The following NOB1 variants were observed in gnomAD, a reference collection of about 807,000 sequenced individuals.
The protein encoded by NOB1 is NIN1 (RPN12) binding protein 1 homolog.
NOB1 carries 44 observed loss-of-function variants against 44.8 expected under a neutral mutation model. That is an observed-to-expected ratio of 0.98 (90% CI 0.77 to 1.26). The LOEUF (loss-of-function observed/expected upper bound fraction) is 1.26. NOB1 is among the 50% of genes most tolerant of loss of function. The probability of loss-of-function intolerance (pLI) is 0.00; values close to 1 mark genes in which losing one functional copy is unlikely to be tolerated. For synonymous variants in NOB1, 238 were observed against 218.7 expected (o/e 1.09, Z -0.78); for missense variants, 560 against 544.8 (o/e 1.03, Z -0.28).
intron 2 of NOB1, among the ~76,000 whole-genome samples, chr16:69,753,360 G>C (rs1449136126): frequency 1.3e-5 from 2 of 152,206 alleles, no homozygotes; most frequent in African/African-American, 2.4e-5. Flanking sequence ...TTATTCTCCA[G>C]AGTCATCCAT....
chr16:69,743,777 CAGAA>C (rs1256910775), intron 8 of NOB1, among the ~76,000 whole-genome samples: 1 of 152,170 alleles, frequency 6.6e-6, no homozygotes, highest in Non-Finnish European at 1.5e-5. Context: ...CTTCTTTTGT[CAGAA>C]AGGAAATTTG....
Position 69,749,294 on chromosome 16 carries a change from C to T in NOB1, c.444G>A (p.Glu148=). ...QETEKGHSAC[E]PENLEFSSFM... ...AGGAACTAAATTCCAGGTTCTCAGGCTCACAAGCTGAGTGTCCTTTTTCTG... is the reference window on the plus strand; with the variant it reads ...AGGAACTAAATTCCAGGTTCTCAGGTTCACAAGCTGAGTGTCCTTTTTCTG... The change falls in exon 5 of 9, where the codon GAG becomes GAA. Residue 148 remains glutamate, a synonymous_variant. Coordinates refer to ENST00000268802, the MANE Select transcript of NOB1 (RefSeq NM_014062.3). 6.2e-7 allele frequency: 1 copy of T among 1,611,540 alleles called. No homozygotes were observed. The highest frequency in any genetic ancestry group is 8.5e-7 in the Non-Finnish European group (1 of 1,179,372).
In NOB1 at chr16:69,742,596, C is replaced by T. The variant is rs548183878; in HGVS notation, c.975G>A (p.Ser325=). Residue 325 remains serine, a synonymous_variant, in exon 9 of 9, where the codon TCG becomes TCA. Transcript: ENST00000268802. ...KVLNPRGLRY[S]LPTPKGGKYA... ...ATTTGCCCCCTTTGGGAGTGGGAAG[C>T]GAGTACTGGAAATAAGACAAGGAAG... 1.4e-5 allele frequency: 22 copies of T among 1,613,752 alleles called. No individual in the cohort carries two copies. The highest frequency in any genetic ancestry group is 2.7e-5 in the African/African-American group (2 of 74,936).
At position 69,754,457 on chromosome 16, in the gene NOB1, T is replaced by C. The variant is rs900678782; in HGVS notation, c.196+137A>G. ...CTCCAGACCCAGGAAGCCTCTCTCCTACCACAATCTCCTAGAAAGTGCTGG... is the reference window on the plus strand; with the variant it reads ...CTCCAGACCCAGGAAGCCTCTCTCCCACCACAATCTCCTAGAAAGTGCTGG... On this transcript the variant is annotated intron_variant, in intron 2 of 8. Transcript: ENST00000268802. The C allele has an allele frequency of 4.1e-6, 5 of 1,228,904 alleles. No homozygotes were observed. The African/African-American group carries it at 6.0e-5, about 15-fold the overall frequency. 76.1% of individuals were successfully genotyped at this position (1,228,904 alleles called of 1,614,324 possible).
chr16:69,746,064 A>G (rs2038428063), intron 7 of NOB1, among the ~76,000 whole-genome samples: 1 of 152,262 alleles, frequency 6.6e-6, no homozygotes, highest in Non-Finnish European at 1.5e-5. Flanking sequence ...AGAGGAAGGT[A>G]TGGGCCGCTC....
In NOB1 at chr16:69,754,647, A is replaced by T; in HGVS notation, c.143T>A (p.Val48Asp). 2.5e-6 allele frequency: 4 copies of T among 1,614,180 alleles called. No individual in the cohort carries two copies. The highest frequency in any genetic ancestry group is 3.4e-6 in the Non-Finnish European group (4 of 1,180,030). The change falls in exon 2 of 9, where the codon GTC becomes GAC. Residue 48 changes from valine (V) to aspartate (D), a missense_variant. Coordinates refer to ENST00000268802, the MANE Select transcript of NOB1 (RefSeq NM_014062.3). ...CTTGAACCGCAGCTCGTAGGGCAGG[A>T]CAGCGAGCCGCCTGCGTGTGGCCTT... is the stretch of plus-strand genomic sequence containing the variant. ...RDKATRRRLA[V>D]LPYELRFKEP... is the part of the protein sequence containing the mutation.
chr16:69,745,323 T>A (rs181681905), intron 7 of NOB1, among the ~76,000 whole-genome samples: 1 of 152,300 alleles, frequency 6.6e-6, no homozygotes, highest in African/African-American at 2.4e-5. Flanking sequence ...TCACTAGTCC[T>A]GGGAGGATGG....
chr16:69,749,231 A>G lies in NOB1; in HGVS notation c.507T>C (p.His169=). Reference sequence around the variant, plus strand: ...GCCTCACCAGCAGCTCCTGCAGTTCATGATCGATGTTGGGCAAAGGGTTTC... The same window carrying G: ...GCCTCACCAGCAGCTCCTGCAGTTCGTGATCGATGTTGGGCAAAGGGTTTC... ...FWRNPLPNID[H]ELQELLIDRG... Residue 169 remains histidine (H), a synonymous_variant, in exon 5 of 9, where the codon CAT becomes CAC. Transcript: ENST00000268802. 2 of 1,613,394 alleles carry G rather than the reference A, an allele frequency of 1.2e-6. No individual in the cohort carries two copies. Among genetic ancestry groups the G allele is most frequent in the African/African-American group, 2.7e-5 (2 of 74,978 alleles).
chr16:69,754,108 T>C (rs2038504583), intron 2 of NOB1, among the ~76,000 whole-genome samples: 1 of 152,242 alleles, frequency 6.6e-6, no homozygotes, highest in African/African-American at 2.4e-5. Context: ...CCAGCTTAAT[T>C]TTCTTTCACA....
chr16:69,754,083 C>G (rs1160612543), intron 2 of NOB1, among the ~76,000 whole-genome samples: 2 of 152,142 alleles, frequency 1.3e-5, no homozygotes, highest in Non-Finnish European at 2.9e-5. Flanking sequence ...GATTACAGGC[C>G]GTAAGCCACC....
chr16:69,747,434 G>T (rs1392611916), intron 7 of NOB1, among the ~76,000 whole-genome samples: 3 of 152,022 alleles, frequency 2.0e-5, no homozygotes, highest in Non-Finnish European at 4.4e-5. Flanking sequence ...GCAGCAGCAG[G>T]ACACAGAATC....
chr16:69,754,681 T>G lies in NOB1; in HGVS notation c.109A>C (p.Ile37Leu), dbSNP rs1487915709. The G allele has an allele frequency of 6.2e-7, 1 of 1,614,210 alleles. No individual in the cohort carries two copies. The highest frequency in any genetic ancestry group is 1.7e-5 in the Admixed American group (1 of 60,030). The stretch of plus-strand genomic sequence containing the variant: ...CGCCTGCGTGTGGCCTTGTCCCGAA[T>G]CTCAGTGACCACCTCCCGGATGGTG... ...IYTIREVVTE[I>L]RDKATRRRLA... The change falls in exon 2 of 9, where the codon ATT becomes CTT. Residue 37 changes from isoleucine (I) to leucine (L), a missense_variant. Coordinates refer to ENST00000268802, the MANE Select transcript of NOB1 (RefSeq NM_014062.3).
intron 8 of NOB1, among the ~76,000 whole-genome samples, chr16:69,743,137 T>C (rs2038398961): frequency 6.6e-6 from 1 of 152,126 alleles, no homozygotes; most frequent in Admixed American, 6.6e-5. Flanking sequence ...TGGCCACACA[T>C]GGCACAACGC....
Position 69,754,831 on chromosome 16 carries a change from G to C in NOB1, c.63+17C>G, listed in dbSNP as rs1369369134. On this transcript the variant is annotated intron_variant, in intron 1 of 8. Coordinates refer to ENST00000268802, the MANE Select transcript of NOB1 (RefSeq NM_014062.3). ...GCCAGCCCAGATCTCTCTCGTCCCG[G>C]AGGGAGCTCCCCGTACCTGCAGAGC... 4.4e-6 allele frequency: 7 copies of C among 1,605,332 alleles called. No homozygotes were observed. Among genetic ancestry groups the C allele is most frequent in the Non-Finnish European group, 5.9e-6 (7 of 1,176,778 alleles).
intron 7 of NOB1, 84 bp downstream of exon 7, chr16:69,748,148 G>T: frequency 2.0e-6 from 2 of 1,016,566 alleles, no homozygotes; most frequent in South Asian, 2.9e-5. Context: ...CTAGGTGACA[G>T]AGCGAGACTG....
chr16:69,753,270 G>A (rs1419641031), intron 2 of NOB1, among the ~76,000 whole-genome samples: 1 of 152,138 alleles, frequency 6.6e-6, no homozygotes, highest in East Asian at 1.9e-4. Context: ...TTCAGATTCA[G>A]TATGCTCAAC....
At chr16:69,746,975 G>C (rs2151753382) in intron 7 of NOB1, among the ~76,000 whole-genome samples, 1 of 152,120 alleles carries the variant, frequency 6.6e-6, no homozygotes, top group Non-Finnish European at 1.5e-5. Context: ...TGTAATCTCA[G>C]CACTTTGGGA....
At position 69,745,012 on chromosome 16, in the gene NOB1, G is replaced by C. The variant is rs140714914; in HGVS notation, c.830C>G (p.Thr277Arg). 6.2e-7 allele frequency: 1 copy of C among 1,613,830 alleles called. No homozygotes were observed. Among genetic ancestry groups the C allele is most frequent in the Non-Finnish European group, 8.5e-7 (1 of 1,179,892 alleles). ...GCAGAACACTCGGCTCATGTCAGACGTTGTCCTGGGAGACACAAAAGGAGA... is the reference window on the plus strand; with the variant it reads ...GCAGAACACTCGGCTCATGTCAGACCTTGTCCTGGGAGACACAAAAGGAGA... ...ILRCHGCFKT[T>R]SDMSRVFCSH... Residue 277 changes from threonine to arginine, a missense_variant, in exon 8 of 9, where the codon ACG becomes AGG. Thr to Arg is a moderately conservative substitution (Grantham distance 71, BLOSUM62 -1). Transcript: ENST00000268802.
chr16:69,750,969 T>A (rs1366661594), intron 3 of NOB1, among the ~76,000 whole-genome samples: 1 of 152,214 alleles, frequency 6.6e-6, no homozygotes, highest in Admixed American at 6.5e-5. Flanking sequence ...TGTATCAGTC[T>A]CTTCAACCTA....
Sources: gnomAD v4.1 joint callset for allele counts (sites outside exome capture counted in the v4.1 genomes callset) on GRCh38, gnomAD v4.1.1 for gene constraint, MANE v1.5 for transcripts, NCBI Gene and HGNC (gene_info 2026-07-23, HGNC 2026-07-21) for gene names.